Variants in TTC7A observed in about 807,000 individuals in gnomAD.
The protein encoded by TTC7A is tetratricopeptide repeat protein 7A.
TTC7A carries 110 observed loss-of-function variants against 103.7 expected under a neutral mutation model. That is an observed-to-expected ratio of 1.06 (90% confidence interval 0.91 to 1.24). The LOEUF is 1.24. TTC7A is among the 50% of genes most tolerant of loss of function. The pLI is 0.00. For missense variants in TTC7A, 1,340 were observed against 1,116.3 expected, an observed-to-expected ratio of 1.20 and a Z score of -2.86; for synonymous variants, 521 against 467.9, an observed-to-expected ratio of 1.11 and a Z score of -1.47.
chr2:47,018,624 TATATAC>T, intron 11 of TTC7A, among the ~76,000 whole-genome samples: 1 of 151,562 alleles, frequency 6.6e-6, no homozygotes, highest in Non-Finnish European at 1.5e-5. Context: ...TATCAAAGCT[TATATAC>T]ATATAAGAAA....
intron 12 of TTC7A, among the ~76,000 whole-genome samples, chr2:47,022,937 A>T (rs115394889): frequency 0.04 from 6,052 of 152,340 alleles, 149 homozygotes; most frequent in Middle Eastern, 0.068. Flanking sequence ...CAATCATGTT[A>T]AACCTTCCTG....
intron 3 of TTC7A, among the ~76,000 whole-genome samples, chr2:46,974,219 A>G (rs1017851756): frequency 6.6e-6 from 1 of 152,252 alleles, no homozygotes; most frequent in African/African-American, 2.4e-5. Context: ...CTGCCTTTAA[A>G]GATAACCACT....
chr2:47,048,629 G>T (rs546811005), intron 16 of TTC7A, among the ~76,000 whole-genome samples: 1 of 152,250 alleles, frequency 6.6e-6, no homozygotes, highest in East Asian at 1.9e-4. Flanking sequence ...TTGAGACAGG[G>T]TCTTGCCCTG....
intron 2 of TTC7A, 83 bp from the exon 3 acceptor site, chr2:46,956,756 C>T: frequency 6.6e-7 from 1 of 1,513,742 alleles, no homozygotes; most frequent in Non-Finnish European, 9.1e-7. Flanking sequence ...AGGTCTGAGG[C>T]AAACAAGGTC....
chr2:47,023,193 G>A (rs986522857), intron 12 of TTC7A, among the ~76,000 whole-genome samples: 4 of 152,244 alleles, frequency 2.6e-5, no homozygotes, highest in Non-Finnish European at 5.9e-5. Context: ...GGTAGTTCAG[G>A]CGGTGGAGAA....
chr2:46,962,091 C>G (rs1486043665), intron 3 of TTC7A, among the ~76,000 whole-genome samples: 1 of 152,162 alleles, frequency 6.6e-6, no homozygotes, highest in Non-Finnish European at 1.5e-5. Context: ...CTTTTGTACC[C>G]TCAACCAATC....
At chr2:46,928,991 T>G (rs927250584) in intron 2 of TTC7A, among the ~76,000 whole-genome samples, 3 of 151,594 alleles carry the variant, frequency 2.0e-5, no homozygotes, top group Non-Finnish European at 4.4e-5. Context: ...GGCAAAACTC[T>G]GTCTCTACTA....
At chr2:47,041,353 C>G (rs1183349882) in intron 15 of TTC7A, among the ~76,000 whole-genome samples, 2 of 152,216 alleles carry the variant, frequency 1.3e-5, no homozygotes, top group Non-Finnish European at 2.9e-5. Context: ...CAGGCACTTG[C>G]AGACCAGGTG....
intron 16 of TTC7A, among the ~76,000 whole-genome samples, chr2:47,047,892 T>G (rs530926696): frequency 7.2e-5 from 11 of 152,258 alleles, no homozygotes; most frequent in Admixed American, 5.2e-4. Flanking sequence ...AAAAGAATCC[T>G]CCCTGTCTCC....
chr2:46,952,892 T>A (rs1401444516), intron 2 of TTC7A, among the ~76,000 whole-genome samples: 1 of 152,236 alleles, frequency 6.6e-6, no homozygotes. Context: ...ACACAGATAT[T>A]TCTTTTCATA....
rs1359454784 is a variant in TTC7A at position 46,934,792 on chromosome 2, T to C, written c.83-15571T>C. Among the ~76,000 whole-genome samples the C allele has an allele frequency of 8.9e-3, 617 of 69,416 alleles. 58 individuals carry two copies. Among genetic ancestry groups the C allele is most frequent in the Non-Finnish European group, 0.014 (498 of 34,418 alleles). The allele number at this position is 69,416 out of a possible 152,430, so 45.5% of individuals were successfully genotyped here. ...AAGGTATGAAGACTACTGCTCTTTT[T>C]TTTTTTTTTTTTTTTTTTTTTTTTT... On this transcript the variant is annotated intron_variant, in intron 2 of 20. Transcript: ENST00000409245.
At chr2:47,055,840 C>T (rs1041504123) in intron 18 of TTC7A, among the ~76,000 whole-genome samples, 4 of 152,134 alleles carry the variant, frequency 2.6e-5, no homozygotes, top group South Asian at 2.1e-4. Flanking sequence ...GTGGCCAGCG[C>T]TGTGGCTGAA....
At chr2:46,919,653 AC>A (rs1363143403) in intron 2 of TTC7A, among the ~76,000 whole-genome samples, 3 of 152,230 alleles carry the variant, frequency 2.0e-5, no homozygotes, top group African/African-American at 7.2e-5. Context: ...CTGGTTAACA[AC>A]AGTCTCTTGC....
At position 46,948,993 on chromosome 2, in the gene TTC7A, C is replaced by A. The variant is rs370894274; in HGVS notation, c.185-1370C>A. On this transcript the variant is annotated intron_variant, in intron 1 of 19. Coordinates refer to ENST00000319190, the MANE Select transcript of TTC7A (RefSeq NM_020458.4). ...AGTTGAGAGGATCCAATTCACTCAA[C>A]AGGTATTTACTCAGTGCTTATATTG... is the stretch of plus-strand genomic sequence containing the variant. Among the ~76,000 whole-genome samples the A allele has an allele frequency of 3.3e-5, 5 of 152,328 alleles. No homozygotes were observed. In the East Asian group the frequency reaches 9.6e-4, roughly 29 times the overall value.
Position 46,997,601 on chromosome 2 carries a change from G to A in TTC7A, c.1065+2402G>A, listed in dbSNP as rs533768681. On this transcript the variant is annotated intron_variant, in intron 8 of 19. Coordinates refer to ENST00000319190, the MANE Select transcript of TTC7A (RefSeq NM_020458.4). The stretch of plus-strand genomic sequence containing the variant: ...AGCCTTGAAGCCATGACTCGAACAT[G>A]TCCTTCTCCCTCAGCAGTTTCCAAG... Among the ~76,000 whole-genome samples, 33 of 151,928 alleles carry A rather than the reference G, an allele frequency of 2.2e-4. No individual in the cohort carries two copies. In the South Asian group the frequency reaches 5.2e-3, roughly 24 times the overall value.
chr2:47,033,403 A>C (rs1156557775), intron 15 of TTC7A, among the ~76,000 whole-genome samples: 2 of 152,202 alleles, frequency 1.3e-5, no homozygotes, highest in African/African-American at 4.8e-5. Context: ...GGCCATCTGC[A>C]TGGGATCCCA....
intron 2 of TTC7A, among the ~76,000 whole-genome samples, chr2:46,950,959 T>C (rs989531775): frequency 1.3e-5 from 2 of 152,198 alleles, no homozygotes; most frequent in Admixed American, 1.3e-4. Context: ...TTACATCATA[T>C]TTTTTTGGAC....
In TTC7A at chr2:46,978,784, C is replaced by G. The variant is rs772664990; in HGVS notation, c.649-8C>G. ...AGACAATGGCTCTCTCTCTGTTTCC[C>G]TTCCCAGACCACAAATAACAGCACG... On this transcript the variant is annotated splice_region_variant and splice_polypyrimidine_tract_variant and intron_variant, in intron 4 of 19. Transcript: ENST00000319190. 1 of 1,612,382 alleles carries G rather than the reference C, an allele frequency of 6.2e-7. No homozygotes were observed. The highest frequency in any genetic ancestry group is 8.5e-7 in the Non-Finnish European group (1 of 1,178,570).
chr2:47,001,859 C>CAA (rs397871545), intron 8 of TTC7A, among the ~76,000 whole-genome samples: 13 of 90,400 alleles, frequency 1.4e-4, no homozygotes, highest in Non-Finnish European at 1.5e-4. Context: ...GACTCTGTCT[C>CAA]AAAAAAAAAA....
Sources: gnomAD v4.1 joint callset for allele counts (sites outside exome capture counted in the v4.1 genomes callset) on GRCh38, gnomAD v4.1.1 for gene constraint, MANE v1.5 for transcripts, NCBI Gene and HGNC (gene_info 2026-07-23, HGNC 2026-07-21) for gene names.